HMGXB4: variants seen among roughly 807,000 people sequenced by gnomAD.
HMGXB4 encodes HMG domain-containing protein 4.
Under a neutral mutation model 63.9 loss-of-function variants are expected in HMGXB4, and 27 were observed. The ratio of observed to expected loss-of-function variants is 0.42; its 90% CI spans 0.31 to 0.58. HMGXB4 has a LOEUF of 0.58. Ranked by LOEUF, HMGXB4 falls within the 20% of genes least tolerant of loss-of-function variation. The pLI, the probability that HMGXB4 is intolerant of heterozygous loss-of-function variation, is 0.13. For missense variants in HMGXB4, 624 were observed against 700.7 expected, an observed-to-expected ratio of 0.89 and a Z score of 1.24; for synonymous variants, 264 against 265.3, an observed-to-expected ratio of 0.99 and a Z score of 0.05.
chr22:35,244,169 C>G, the HMGXB4 span, among the ~76,000 whole-genome samples: 1 of 152,166 alleles, frequency 6.6e-6, no homozygotes, highest in Non-Finnish European at 1.5e-5. Context: ...TATTTCCTCT[C>G]TCTAGGACTC....
chr22:35,290,814 T>C (rs114554072), intron 9 of HMGXB4, among the ~76,000 whole-genome samples: 4 of 152,302 alleles, frequency 2.6e-5, no homozygotes, highest in African/African-American at 7.2e-5. Flanking sequence ...TTGTCTGTGC[T>C]TTTACAGTGA....
chr22:35,284,118 C>G, intron 6 of HMGXB4, 75 bp downstream of exon 6: 1 of 1,016,304 alleles, frequency 9.8e-7, no homozygotes. Flanking sequence ...TTTCTTCTTC[C>G]TGTAGCATTA....
chr22:35,291,578 A>G (rs1284500149), intron 9 of HMGXB4, among the ~76,000 whole-genome samples: 1 of 152,214 alleles, frequency 6.6e-6, no homozygotes, highest in Non-Finnish European at 1.5e-5. Flanking sequence ...ATATAGGGCA[A>G]AGGAAATGGA....
At position 35,265,543 on chromosome 22, in the gene HMGXB4, G is replaced by T; in HGVS notation, c.1155G>T (p.Gly385=). The T allele has an allele frequency of 6.3e-7, 1 of 1,595,184 alleles. No individual in the cohort carries two copies. The highest frequency in any genetic ancestry group is 1.1e-5 in the South Asian group (1 of 87,426). ...PLPLPGLHTD[G]HSEKKKKKEE... ...CACTTCCTGGCCTCCACACAGATGG[G>T]CATAGTGAAAAAAAAAAGAAAAAAG... The change falls in exon 5 of 11, where the codon GGG becomes GGT. Residue 385 remains glycine (G), a synonymous_variant. Coordinates refer to ENST00000216106, the MANE Select transcript of HMGXB4 (RefSeq NM_001003681.3).
At chr22:35,268,246 AC>A (rs1568998105) in intron 5 of HMGXB4, among the ~76,000 whole-genome samples, 1 of 151,728 alleles carries the variant, frequency 6.6e-6, no homozygotes, top group African/African-American at 2.4e-5. Context: ...TCCATCCCCA[AC>A]CCCAGAGCCA....
At chr22:35,252,685 G>A (rs562018137), upstream of HMGXB4, among the ~76,000 whole-genome samples, 1 of 152,328 alleles carries the variant, frequency 6.6e-6, no homozygotes, top group African/African-American at 2.4e-5. Flanking sequence ...GGCAAAAGTG[G>A]TGGAGTGTGG....
At chr22:35,257,190 A>C (rs2146388261), upstream of HMGXB4, among the ~76,000 whole-genome samples, 1 of 152,326 alleles carries the variant, frequency 6.6e-6, no homozygotes, top group Non-Finnish European at 1.5e-5. Context: ...TTGGAGTAAT[A>C]CTCGGTCTCA....
At chr22:35,255,570 G>A (rs549339471), upstream of HMGXB4, among the ~76,000 whole-genome samples, 176 of 152,328 alleles carry the variant, frequency 1.2e-3, 1 homozygote, top group African/African-American at 4.1e-3. Flanking sequence ...GAAAGATGAT[G>A]AAGCTTGGAG....
At chr22:35,277,570 A>G (rs142793572) in intron 5 of HMGXB4, among the ~76,000 whole-genome samples, 90 of 152,220 alleles carry the variant, frequency 5.9e-4, no homozygotes, top group African/African-American at 2.1e-3. Flanking sequence ...GCTGTCTTGA[A>G]CTGCTGACCT....
intron 5 of HMGXB4, among the ~76,000 whole-genome samples, chr22:35,282,408 C>T (rs941587876): frequency 1.3e-5 from 2 of 152,070 alleles, no homozygotes; most frequent in Non-Finnish European, 2.9e-5. Context: ...GTGATCTGCC[C>T]GCCTTGGCCT....
At chr22:35,288,912 C>T (rs929976543) in intron 9 of HMGXB4, among the ~76,000 whole-genome samples, 1 of 152,204 alleles carries the variant, frequency 6.6e-6, no homozygotes, top group Non-Finnish European at 1.5e-5. Context: ...GAGGCTGAGG[C>T]AGGCGGATCA....
intron 9 of HMGXB4, among the ~76,000 whole-genome samples, chr22:35,289,195 A>G (rs946553983): frequency 6.6e-6 from 1 of 152,138 alleles, no homozygotes; most frequent in African/African-American, 2.4e-5. Context: ...ACGGTGGCCC[A>G]TGTCTGTAAT....
intron 4 of HMGXB4, chr22:35,264,157 C>G: frequency 9.2e-7 from 1 of 1,089,432 alleles, no homozygotes; most frequent in Non-Finnish European, 1.3e-6. Context: ...TATCTAGCAT[C>G]CCTTTTGCCA....
At chr22:35,293,219 T>C (rs1396836427) in intron 10 of HMGXB4, 105 bp downstream of exon 10, 65 of 1,271,194 alleles carry the variant, frequency 5.1e-5, no homozygotes, top group Non-Finnish European at 7.2e-5. Context: ...CACACAGTGC[T>C]TCCTTCATCT....
chr22:35,290,646 A>G (rs1032331168), intron 9 of HMGXB4, among the ~76,000 whole-genome samples: 9 of 150,820 alleles, frequency 6.0e-5, no homozygotes, highest in Non-Finnish European at 1.0e-4. Flanking sequence ...AAAAAAAAAA[A>G]AAAAAAAGAA....
chr22:35,275,270 C>T (rs1259083167), intron 5 of HMGXB4, among the ~76,000 whole-genome samples: 1 of 151,862 alleles, frequency 6.6e-6, no homozygotes, highest in Non-Finnish European at 1.5e-5. Flanking sequence ...CAGGTGCCCA[C>T]CACCACACCC....
intron 10 of HMGXB4, 147 bp from the exon 11 acceptor site, chr22:35,293,460 A>G (rs749329278): frequency 2.5e-5 from 16 of 628,850 alleles, no homozygotes; most frequent in Middle Eastern, 3.7e-4. Context: ...AGTTCCTAGC[A>G]TAACAAACAG....
chr22:35,256,248 C>T (rs2092029), upstream of HMGXB4, among the ~76,000 whole-genome samples: 80,061 of 151,996 alleles, frequency 0.53, 24,535 homozygotes, highest in Non-Finnish European at 0.68. Context: ...CCCAACTCTG[C>T]AATGGAAAAT....
At chr22:35,257,386 G>C (rs1289410924), upstream of HMGXB4, 1 of 152,716 alleles carries the variant, frequency 6.5e-6, no homozygotes, top group African/African-American at 2.4e-5. Context: ...AGCAGGCTCC[G>C]AGTTTTATTC....
Sources: allele counts gnomAD v4.1 joint callset (sites outside exome capture counted in the v4.1 genomes callset), GRCh38; gene constraint gnomAD v4.1.1; transcripts MANE v1.5; gene names NCBI Gene and HGNC (gene_info 2026-07-23, HGNC 2026-07-21).